CIBAR1: variants seen among roughly 807,000 people sequenced by gnomAD.
CIBAR1 encodes CBY1 interacting BAR domain containing 1.
Under a neutral mutation model 44.0 loss-of-function variants are expected in CIBAR1, and 25 were observed. The ratio of observed to expected loss-of-function variants is 0.57; its 90% CI spans 0.41 to 0.79. The LOEUF (loss-of-function observed/expected upper bound fraction) is 0.79, where lower values mean the gene tolerates loss of function less well. Ranked by LOEUF, CIBAR1 falls within the 30% of genes least tolerant of loss-of-function variation. The probability of loss-of-function intolerance (pLI) is 0.00; values close to 1 mark genes in which losing one functional copy is unlikely to be tolerated. For missense variants in CIBAR1, 278 were observed against 344.8 expected (o/e 0.81, Z 1.53); for synonymous variants, 115 against 119.0 (o/e 0.97, Z 0.22).
intron 7 of CIBAR1, 40 bp downstream of exon 7, chr8:93,718,828 G>T (rs757550138): frequency 6.1e-5 from 72 of 1,188,548 alleles, no homozygotes; most frequent in Non-Finnish European, 6.3e-5. Flanking sequence ...TTCTGTTAAT[G>T]TGGAAATATT....
In CIBAR1 at chr8:93,709,895, G is replaced by A; in HGVS notation, c.543+20G>A. On this transcript the variant is annotated intron_variant, in intron 6 of 8. Coordinates refer to ENST00000518322, the MANE Select transcript of CIBAR1 (RefSeq NM_145269.5). Reference sequence around the variant, plus strand: ...ATAAAGGTAATAAAGTAACTGTTAGGGTTCAAAACATGTTTTTAACCTTTT... The same window carrying A: ...ATAAAGGTAATAAAGTAACTGTTAGAGTTCAAAACATGTTTTTAACCTTTT... The A allele has an allele frequency of 1.3e-6, 2 of 1,537,386 alleles. No individual in the cohort carries two copies. The highest frequency in any genetic ancestry group is 1.8e-6 in the Non-Finnish European group (2 of 1,127,746).
rs544263381 is a variant in CIBAR1, at chr8:93,721,838, T to G, written c.657+3050T>G. Among the ~76,000 whole-genome samples, 6 of 151,780 alleles carry G rather than the reference T, an allele frequency of 4.0e-5. No individual in the cohort carries two copies. In the South Asian group the frequency reaches 8.3e-4, roughly 21 times the overall value. ...GTCCTATAAAGAAAAAAAAAAAGTG[T>G]TGTGTGTGATGGAGGGTTACAAATA... On this transcript the variant is annotated intron_variant, in intron 7 of 8. Coordinates refer to ENST00000518322, the MANE Select transcript of CIBAR1 (RefSeq NM_145269.5).
chr8:93,724,279 A>G lies in CIBAR1; in HGVS notation c.658-2115A>G, dbSNP rs530176938. Among the ~76,000 whole-genome samples the G allele has an allele frequency of 5.9e-5, 9 of 152,324 alleles. No individual in the cohort carries two copies. In the South Asian group the frequency reaches 1.9e-3, roughly 32 times the overall value. The stretch of plus-strand genomic sequence containing the variant: ...AAAGTAAGCTGTGAAGGGTATGTAG[A>G]GTCAATAAAAGAGAAGTGCCTCAGG... On this transcript the variant is annotated intron_variant, in intron 7 of 8. Transcript: ENST00000518322.
At chr8:93,722,590 CG>C (rs1395616983) in intron 7 of CIBAR1, among the ~76,000 whole-genome samples, 2 of 151,932 alleles carry the variant, frequency 1.3e-5, no homozygotes, top group Non-Finnish European at 2.9e-5. Flanking sequence ...CCCAGCTACT[CG>C]AGAGGCTGAG....
chr8:93,707,139 T>C, intron 4 of CIBAR1: 1 of 330,616 alleles, frequency 3.0e-6, no homozygotes, highest in South Asian at 2.5e-5. Flanking sequence ...ATATCTGTAT[T>C]CATGGAGTTG....
rs564064523 is a variant in CIBAR1, at chr8:93,721,955, T to C, written c.657+3167T>C. Reference sequence around the variant, plus strand: ...TTCAGGTAGAGGGCATAGATAGATATACCAAGGTCCTGAGGCAGGACTGTT... The same window carrying C: ...TTCAGGTAGAGGGCATAGATAGATACACCAAGGTCCTGAGGCAGGACTGTT... On this transcript the variant is annotated intron_variant, in intron 7 of 8. Coordinates refer to ENST00000518322, the MANE Select transcript of CIBAR1 (RefSeq NM_145269.5). 2.2e-4 allele frequency among the ~76,000 whole-genome samples: 33 copies of C among 152,232 alleles called. No individual in the cohort carries two copies. The South Asian group carries it at 2.3e-3, about 11-fold the overall frequency.
At chr8:93,701,176 C>G in intron 1 of CIBAR1, 48 bp from the exon 2 acceptor site, 1 of 1,574,118 alleles carries the variant, frequency 6.4e-7, no homozygotes, top group South Asian at 1.2e-5. Flanking sequence ...GTGAAGCCTT[C>G]TCATCTCTAA....
chr8:93,725,021 A>T (rs1402517178), intron 7 of CIBAR1, among the ~76,000 whole-genome samples: 1 of 152,170 alleles, frequency 6.6e-6, no homozygotes, highest in Non-Finnish European at 1.5e-5. Context: ...TCTATTGCCC[A>T]GGATGGAGTG....
chr8:93,708,117 T>A, intron 5 of CIBAR1, 101 bp downstream of exon 5: 1 of 837,604 alleles, frequency 1.2e-6, no homozygotes, highest in South Asian at 2.3e-5. Flanking sequence ...AAAAGCTAAA[T>A]GTCACAGTAT....
intron 4 of CIBAR1, among the ~76,000 whole-genome samples, chr8:93,706,475 T>C (rs1810587620): frequency 1.3e-5 from 2 of 152,160 alleles, no homozygotes; most frequent in Admixed American, 1.3e-4. Context: ...TTTTGTTTTG[T>C]TTTGTTCTTT....
At position 93,728,511 on chromosome 8, in the gene CIBAR1, T is replaced by A. The variant is rs1393497469; in HGVS notation, c.*214T>A. On this transcript the variant is annotated 3_prime_UTR_variant, in exon 9 of 9. Transcript: ENST00000518322. ...ATCCTACCTAGTGTTACATGATTTTTGTGTAAGTGCCTTTTTTTTTAAAGA... is the reference window on the plus strand; with the variant it reads ...ATCCTACCTAGTGTTACATGATTTTAGTGTAAGTGCCTTTTTTTTTAAAGA... The A allele has an allele frequency of 2.6e-6, 1 of 387,036 alleles. No individual in the cohort carries two copies. The highest frequency in any genetic ancestry group is 4.6e-6 in the Non-Finnish European group (1 of 216,032). 24.0% of individuals were successfully genotyped at this position (387,036 alleles called of 1,614,324 possible).
chr8:93,723,221 C>A (rs62522955), intron 7 of CIBAR1, among the ~76,000 whole-genome samples: 8,663 of 152,276 alleles, frequency 0.057, 376 homozygotes, highest in Non-Finnish European at 0.09. Flanking sequence ...TGGTCTCGAT[C>A]TCCTGACCTC....
rs1344196295 is a variant in CIBAR1 at position 93,700,857 on chromosome 8, G to T, written c.26+184G>T. On this transcript the variant is annotated intron_variant, in intron 1 of 8. Transcript: ENST00000518322. Reference sequence around the variant, plus strand: ...CAGCCACCGCCGGCGGCGAAGAGGAGCCCGGGGCCCGGCCGGCTGCCACCC... The same window carrying T: ...CAGCCACCGCCGGCGGCGAAGAGGATCCCGGGGCCCGGCCGGCTGCCACCC... The T allele has an allele frequency of 9.9e-6, 13 of 1,310,484 alleles. No homozygotes were observed. In the East Asian group the frequency reaches 4.0e-4, roughly 40 times the overall value. The allele number at this position is 1,310,484 out of a possible 1,614,324, so 81.2% of individuals were successfully genotyped here.
chr8:93,701,249 A>T lies in CIBAR1; in HGVS notation c.52A>T (p.Thr18Ser). 2 of 1,613,482 alleles carry T rather than the reference A, an allele frequency of 1.2e-6. No individual in the cohort carries two copies. The highest frequency in any genetic ancestry group is 4.5e-5 in the East Asian group (2 of 44,868). The part of the protein sequence containing the change: ...NRNAQTKQLQ[T>S]AVSNVEKHFG... ...GAACGCTCAAACGAAACAACTGCAA[A>T]CAGCTGTCTCAAATGTGGAGAAGCA... Residue 18 changes from threonine (T) to serine (S), a missense_variant, in exon 2 of 9, where the codon ACA becomes TCA. Thr to Ser is a moderately conservative substitution (Grantham distance 58). Transcript: ENST00000518322.
At chr8:93,727,015 A>G (rs564661665) in intron 8 of CIBAR1, 7 of 460,394 alleles carry the variant, frequency 1.5e-5, no homozygotes, top group African/African-American at 8.1e-5. Flanking sequence ...GGAGACTAAC[A>G]TTCTTAGGCT....
At chr8:93,713,397 G>A (rs1810910957) in intron 6 of CIBAR1, among the ~76,000 whole-genome samples, 1 of 152,088 alleles carries the variant, frequency 6.6e-6, no homozygotes, top group African/African-American at 2.4e-5. Flanking sequence ...ATATATTCTA[G>A]ATAGAAGTCC....
intron 4 of CIBAR1, among the ~76,000 whole-genome samples, chr8:93,706,655 G>A (rs1392166562): frequency 2.6e-5 from 4 of 152,086 alleles, no homozygotes; most frequent in African/African-American, 9.7e-5. Context: ...GCTGTGGAAG[G>A]GAGATAATCT....
rs147392141 is a variant in CIBAR1, at chr8:93,728,272, CAGA to C, written c.853_855del (p.Glu285del). 6.0e-3 allele frequency: 9,472 copies of C among 1,588,484 alleles called. 444 individuals are homozygous for C. In the African/African-American group the frequency reaches 0.11, roughly 18 times the overall value. On this transcript the variant is annotated inframe_deletion, in exon 9 of 9. Coordinates refer to ENST00000518322, the MANE Select transcript of CIBAR1 (RefSeq NM_145269.5). ...GATGAGGATGACGAGTTAGATGTTA[CAGA>C]AGAAGAAAATTTTCTTAAGTAAACT...
chr8:93,703,844 C>G (rs1392067840), intron 3 of CIBAR1, among the ~76,000 whole-genome samples, 156 bp downstream of exon 3: 2 of 151,828 alleles, frequency 1.3e-5, no homozygotes, highest in Non-Finnish European at 2.9e-5. Context: ...GCGGGCGGAT[C>G]ACGAGGTCAG....
Sources: allele counts gnomAD v4.1 joint callset (sites outside exome capture counted in the v4.1 genomes callset), GRCh38; gene constraint gnomAD v4.1.1; transcripts MANE v1.5; gene names NCBI Gene and HGNC (gene_info 2026-07-23, HGNC 2026-07-21).